The following GLB1 variants were observed in gnomAD, a reference collection of about 807,000 sequenced individuals.
GLB1 encodes beta-galactosidase.
GLB1 carries 56 observed loss-of-function variants against 74.0 expected under a neutral mutation model. That is an observed-to-expected ratio of 0.76 (90% CI 0.61 to 0.94). The LOEUF (loss-of-function observed/expected upper bound fraction) is 0.94. Among genes scored for constraint, GLB1 ranks in the 40% least tolerant of loss-of-function variants. GLB1 has a pLI of 0.00. For synonymous variants in GLB1, 323 were observed against 323.6 expected, an observed-to-expected ratio of 1.00 and a Z score of 0.02; for missense variants, 787 against 845.5, an observed-to-expected ratio of 0.93 and a Z score of 0.86.
intron 10 of GLB1, among the ~76,000 whole-genome samples, chr3:33,031,662 T>A (rs1322001504): frequency 6.0e-4 from 72 of 120,280 alleles, no homozygotes; most frequent in African/African-American, 2.2e-3. Flanking sequence ...TATATATATA[T>A]ATATATATAT....
downstream of GLB1, among the ~76,000 whole-genome samples, chr3:32,994,945 TTC>T (rs1274925790): frequency 7.0e-6 from 1 of 143,710 alleles, no homozygotes; most frequent in East Asian, 2.2e-4. Flanking sequence ...AAAAAAAAGA[TTC>T]TGTTTTCCAA....
chr3:33,076,562 T>G (rs1301280080), intron 1 of GLB1, among the ~76,000 whole-genome samples: 13 of 152,086 alleles, frequency 8.5e-5, no homozygotes, highest in Non-Finnish European at 2.9e-5. Context: ...AGGAGGACAT[T>G]CCAGGATGGT....
intron 1 of GLB1, among the ~76,000 whole-genome samples, chr3:33,079,788 T>G (rs1700259564): frequency 6.6e-6 from 1 of 152,136 alleles, no homozygotes; most frequent in South Asian, 2.1e-4. Context: ...AGAGAGTTTT[T>G]TGTTTTTGAG....
chr3:33,047,000 C>G (rs1224208948), intron 9 of GLB1, among the ~76,000 whole-genome samples: 1 of 152,164 alleles, frequency 6.6e-6, no homozygotes, highest in Non-Finnish European at 1.5e-5. Context: ...AACAACTGAC[C>G]AATGTGCCTC....
the GLB1 span, among the ~76,000 whole-genome samples, chr3:32,982,035 C>T: frequency 6.6e-6 from 1 of 152,016 alleles, no homozygotes; most frequent in Admixed American, 6.5e-5. Flanking sequence ...TTGTTTCAGC[C>T]GGGTGCGGTG....
At chr3:33,053,393 C>T in intron 7 of GLB1, 98 bp downstream of exon 7, 1 of 1,573,436 alleles carries the variant, frequency 6.4e-7, no homozygotes, top group South Asian at 1.1e-5. Flanking sequence ...CTGCTGACTC[C>T]AGAGCCAAAA....
At position 33,093,924 on chromosome 3, in the gene GLB1, G is replaced by A. The variant is rs183456505; in HGVS notation, c.75+3087C>T. On this transcript the variant is annotated intron_variant, in intron 1 of 15. Transcript: ENST00000307363. This position sits in a 1 kb window ranked among gnomAD's most constrained non-coding sequence, Gnocchi z 6.0. ...ACTGGAATGGGCCAGGGCCAGAAAT[G>A]CCAGAACCACCACCTTCCAAAGCTG... The A allele has an allele frequency of 1.1e-5, 18 of 1,614,100 alleles. No individual in the cohort carries two copies. The highest frequency in any genetic ancestry group is 5.0e-5 in the Admixed American group (3 of 60,020).
At chr3:33,047,625 C>T (rs1367664448) in intron 9 of GLB1, among the ~76,000 whole-genome samples, 4 of 152,190 alleles carry the variant, frequency 2.6e-5, no homozygotes, top group South Asian at 2.1e-4. Flanking sequence ...CAATGAGGCA[C>T]AAAACATGAT....
the GLB1 span, among the ~76,000 whole-genome samples, chr3:32,963,779 AAATT>A: frequency 6.6e-6 from 1 of 152,216 alleles, no homozygotes; most frequent in Non-Finnish European, 1.5e-5. Flanking sequence ...ATAGAGGAAA[AAATT>A]ATGCTTTGTA....
At chr3:32,972,625 T>C in the GLB1 span, among the ~76,000 whole-genome samples, 3 of 152,182 alleles carry the variant, frequency 2.0e-5, no homozygotes, top group Non-Finnish European at 2.9e-5. Context: ...TACCGTGCAG[T>C]TGATGACATT....
the GLB1 span, among the ~76,000 whole-genome samples, chr3:32,963,245 A>G: frequency 6.6e-6 from 1 of 152,164 alleles, no homozygotes; most frequent in African/African-American, 2.4e-5. Context: ...AAAAAAAATT[A>G]AGCTTGATTC....
At chr3:33,084,085 C>T (rs1373073901) in intron 1 of GLB1, among the ~76,000 whole-genome samples, 1 of 152,090 alleles carries the variant, frequency 6.6e-6, no homozygotes, top group Non-Finnish European at 1.5e-5. Flanking sequence ...AGATCTTAAT[C>T]CCCAGCACCC....
intron 6 of GLB1, 56 bp downstream of exon 6, chr3:33,058,033 C>A (rs1699289497): frequency 3.1e-6 from 5 of 1,607,696 alleles, no homozygotes; most frequent in South Asian, 2.2e-5. Context: ...CCCAGAGCAA[C>A]TGACTGAGTA....
At chr3:32,980,925 T>A in the GLB1 span, among the ~76,000 whole-genome samples, 1 of 151,446 alleles carries the variant, frequency 6.6e-6, no homozygotes, top group Non-Finnish European at 1.5e-5. Flanking sequence ...ATCCCATCTC[T>A]ACTAAAAATA....
chr3:33,027,000 G>A (rs1697792235), intron 10 of GLB1, among the ~76,000 whole-genome samples: 1 of 152,282 alleles, frequency 6.6e-6, no homozygotes, highest in Non-Finnish European at 1.5e-5. Context: ...TAAAAGAGCT[G>A]TAACACAAAT....
chr3:33,072,783 T>C (rs1457053038), intron 1 of GLB1, 70 bp from the exon 2 acceptor site: 2 of 1,601,246 alleles, frequency 1.2e-6, no homozygotes, highest in East Asian at 2.2e-5. Context: ...CCTTTGAGAG[T>C]AGCAAGTGAC....
At position 33,046,266 on chromosome 3, in the gene GLB1, G is replaced by C. The variant is rs28372666; in HGVS notation, c.956-34C>G. The C allele has an allele frequency of 1.7e-3, 2,794 of 1,610,326 alleles. 38 individuals carry two copies. In the African/African-American group the frequency reaches 0.032, roughly 19 times the overall value. On this transcript the variant is annotated intron_variant, in intron 9 of 15. Coordinates refer to ENST00000307363, the MANE Select transcript of GLB1 (RefSeq NM_000404.4). ...CAAAAATGTGCCACTAGTTATTACTGATGGTGCAGCTCTGGGACAAGTTCT... is the reference window on the plus strand; with the variant it reads ...CAAAAATGTGCCACTAGTTATTACTCATGGTGCAGCTCTGGGACAAGTTCT...
intron 12 of GLB1, among the ~76,000 whole-genome samples, chr3:33,020,532 C>G (rs1212857515): frequency 6.6e-6 from 1 of 152,140 alleles, no homozygotes; most frequent in South Asian, 2.1e-4. Context: ...CTTACTGAAT[C>G]TAATTAGTGA....
intron 1 of GLB1, chr3:33,096,562 G>A (rs996338032): frequency 5.1e-6 from 5 of 984,396 alleles, no homozygotes; most frequent in South Asian, 4.7e-5. Flanking sequence ...CCCACTGCAA[G>A]GGCCTCTCCT....
Sources: allele counts gnomAD v4.1 joint callset (sites outside exome capture counted in the v4.1 genomes callset), GRCh38; gene constraint gnomAD v4.1.1; non-coding constraint Gnocchi (gnomAD v3.1); transcripts MANE v1.5; gene names NCBI Gene and HGNC (gene_info 2026-07-23, HGNC 2026-07-21).